ADORA2B: variants seen among roughly 807,000 people sequenced by gnomAD.
ADORA2B encodes adenosine A2b receptor, also known as adenosine receptor A2b.
A neutral mutation model predicts 20.8 loss-of-function variants in ADORA2B; 18 were observed. The ratio of observed to expected loss-of-function variants is 0.87; its 90% CI spans 0.60 to 1.29. The LOEUF is 1.29. Ranked by LOEUF, ADORA2B falls within the 50% of genes most tolerant of loss-of-function variation. ADORA2B has a pLI of 0.00. For synonymous variants in ADORA2B, 179 were observed against 178.3 expected (o/e 1.00, Z -0.03); for missense variants, 441 against 422.7 (o/e 1.04, Z -0.38).
chr17:15,883,401 G>A, the ADORA2B span, among the ~76,000 whole-genome samples: 1 of 152,184 alleles, frequency 6.6e-6, no homozygotes, highest in South Asian at 2.1e-4. Context: ...CATAGGCCAG[G>A]AATATGGGTC....
At chr17:15,876,063 C>T in the ADORA2B span, among the ~76,000 whole-genome samples, 3 of 152,142 alleles carry the variant, frequency 2.0e-5, no homozygotes, top group Non-Finnish European at 4.4e-5. Flanking sequence ...TAGTTCTTTG[C>T]CTCTCTCTTT....
At chr17:15,878,163 T>TTGTGTGTGTGTG in the ADORA2B span, among the ~76,000 whole-genome samples, 1,360 of 119,692 alleles carry the variant, frequency 0.011, 26 homozygotes, top group African/African-American at 0.035. Context: ...CAGATATCCT[T>TTGTGTGTGTGTG]TGTGTGTGTG....
At chr17:15,915,741 G>A in the ADORA2B span, among the ~76,000 whole-genome samples, 1 of 150,622 alleles carries the variant, frequency 6.6e-6, no homozygotes, top group African/African-American at 2.4e-5. Context: ...AAGGCCTAAA[G>A]AATTAAATAT....
At chr17:15,972,323 G>A (rs1970198712) in intron 1 of ADORA2B, among the ~76,000 whole-genome samples, 1 of 152,166 alleles carries the variant, frequency 6.6e-6, no homozygotes, top group Non-Finnish European at 1.5e-5. Flanking sequence ...CACTTCCCAT[G>A]GGCAAGTCTT....
chr17:15,953,283 T>C (rs1404554460), intron 1 of ADORA2B, among the ~76,000 whole-genome samples: 1 of 152,194 alleles, frequency 6.6e-6, no homozygotes, highest in Non-Finnish European at 1.5e-5. Flanking sequence ...GTCCTGAAGG[T>C]GCTGGTGAGT....
At chr17:15,942,385 C>G (rs1414325178), upstream of ADORA2B, among the ~76,000 whole-genome samples, 1 of 152,122 alleles carries the variant, frequency 6.6e-6, no homozygotes, top group African/African-American at 2.4e-5. Flanking sequence ...GTAAAGCTCC[C>G]TGAGGCCCCT....
At chr17:15,895,814 G>A in the ADORA2B span, among the ~76,000 whole-genome samples, 1 of 152,192 alleles carries the variant, frequency 6.6e-6, no homozygotes, top group Admixed American at 6.5e-5. Context: ...AGAGAGGGAG[G>A]ACTGAGGAAC....
intron 1 of ADORA2B, among the ~76,000 whole-genome samples, chr17:15,947,021 C>T (rs779636030): frequency 9.2e-5 from 14 of 152,158 alleles, no homozygotes; most frequent in South Asian, 2.1e-4. Context: ...TGGGTCCCAG[C>T]AGGAACAGGA....
chr17:15,860,476 C>G, the ADORA2B span, among the ~76,000 whole-genome samples: 2 of 152,170 alleles, frequency 1.3e-5, no homozygotes, highest in Non-Finnish European at 2.9e-5. Context: ...CTGTCTCTCT[C>G]TCTCTCTCTG....
At chr17:15,892,654 C>CT in the ADORA2B span, among the ~76,000 whole-genome samples, 1,146 of 122,098 alleles carry the variant, frequency 9.4e-3, 5 homozygotes, top group African/African-American at 0.016. Context: ...TTCTTTCTTT[C>CT]TTTTTTTTTT....
chr17:15,859,795 A>G, the ADORA2B span, among the ~76,000 whole-genome samples: 1 of 152,222 alleles, frequency 6.6e-6, no homozygotes, highest in Non-Finnish European at 1.5e-5. Context: ...CTAAAAAAGA[A>G]AAAGAAATAT....
At chr17:15,900,526 A>G in the ADORA2B span, among the ~76,000 whole-genome samples, 6 of 152,016 alleles carry the variant, frequency 3.9e-5, no homozygotes, top group Non-Finnish European at 8.8e-5. Context: ...TAGGTCATGC[A>G]GCTTTGAACT....
chr17:15,856,741 C>T, the ADORA2B span, among the ~76,000 whole-genome samples: 1 of 152,126 alleles, frequency 6.6e-6, no homozygotes, highest in African/African-American at 2.4e-5. Flanking sequence ...TGGCATTTTG[C>T]CCCTGCCTTA....
the ADORA2B span, among the ~76,000 whole-genome samples, chr17:15,930,818 A>G: frequency 1.3e-5 from 2 of 152,244 alleles, no homozygotes; most frequent in Non-Finnish European, 2.9e-5. Flanking sequence ...CTATCATTAA[A>G]ATGTCCATAT....
At chr17:15,967,659 G>A (rs922505311) in intron 1 of ADORA2B, among the ~76,000 whole-genome samples, 2 of 148,426 alleles carry the variant, frequency 1.3e-5, no homozygotes, top group Admixed American at 6.6e-5. Flanking sequence ...GTGAGATTCC[G>A]TCTCAAAAAA....
At position 15,974,853 on chromosome 17, in the gene ADORA2B, G is replaced by GT; in HGVS notation, c.511dup (p.Cys171LeufsTer4). 6.2e-7 allele frequency: 1 copy of GT among 1,614,162 alleles called. No individual in the cohort carries two copies. Among genetic ancestry groups the GT allele is most frequent in the South Asian group, 1.1e-5 (1 of 91,072 alleles). ...CGAATGAAAGCTGCTGCCTTGTGAAGTGTCTCTTTGAGAATGTGGTCCCCA... is the reference window on the plus strand; with the variant it reads ...CGAATGAAAGCTGCTGCCTTGTGAAGTTGTCTCTTTGAGAATGTGGTCCCCA... On this transcript the variant is annotated frameshift_variant, in exon 2 of 2. Transcript: ENST00000304222. LOFTEE classifies it high-confidence loss of function.
the ADORA2B span, among the ~76,000 whole-genome samples, chr17:15,885,250 A>G: frequency 0.33 from 49,943 of 152,032 alleles, 8,896 homozygotes; most frequent in African/African-American, 0.46. Flanking sequence ...TACTTTGCCC[A>G]CTTTTTAAAG....
the ADORA2B span, among the ~76,000 whole-genome samples, chr17:15,877,096 G>A: frequency 2.0e-4 from 30 of 152,238 alleles, no homozygotes; most frequent in African/African-American, 7.0e-4. Flanking sequence ...TCTTTTTAAG[G>A]CTGAATAAAA....
At chr17:15,857,094 G>T in the ADORA2B span, among the ~76,000 whole-genome samples, 1 of 152,226 alleles carries the variant, frequency 6.6e-6, no homozygotes, top group East Asian at 1.9e-4. Context: ...TTGGTGCCCT[G>T]TGTCCCAGCT....
Sources: gnomAD v4.1 joint callset for allele counts (sites outside exome capture counted in the v4.1 genomes callset) on GRCh38, gnomAD v4.1.1 for gene constraint, MANE v1.5 for transcripts, NCBI Gene and HGNC (gene_info 2026-07-23, HGNC 2026-07-21) for gene names.